ATP8A2: variants seen among roughly 807,000 people sequenced by gnomAD.
ATP8A2 encodes the protein ATPase phospholipid transporting 8A2, also known as phospholipid-transporting ATPase IB.
In ATP8A2, 100 loss-of-function variants were observed where a neutral mutation model predicts 165.6. That is an observed-to-expected ratio of 0.60 (90% CI 0.51 to 0.71). ATP8A2 has a LOEUF of 0.71. Among genes scored for constraint, ATP8A2 ranks in the 30% least tolerant of loss-of-function variants. The pLI is 0.00. For synonymous variants in ATP8A2, 543 were observed against 548.8 expected (o/e 0.99, Z 0.15); for missense variants, 1,227 against 1,479.5 (o/e 0.83, Z 2.80).
At chr13:25,858,728 T>A (rs1297325302) in intron 30 of ATP8A2, among the ~76,000 whole-genome samples, 1 of 152,074 alleles carries the variant, frequency 6.6e-6, no homozygotes, top group Non-Finnish European at 1.5e-5. Flanking sequence ...AACACAAGCA[T>A]CCTTATCTAC....
At chr13:25,578,563 C>T (rs2039683816) in intron 20 of ATP8A2, among the ~76,000 whole-genome samples, 1 of 152,192 alleles carries the variant, frequency 6.6e-6, no homozygotes. Context: ...CAATGATTCT[C>T]CTGTATTTCT....
Position 25,581,863 on chromosome 13 carries a change from A to G in ATP8A2, c.2052A>G (p.Gln684=). 1 of 1,614,126 alleles carries G rather than the reference A, an allele frequency of 6.2e-7. No homozygotes were observed. The highest frequency in any genetic ancestry group is 1.3e-5 in the African/African-American group (1 of 75,054). ...CCACAGCCATAGAAGATCGCCTTCA[A>G]GCAGGAGTTCCAGAAACCATCGCAA... ...LGATAIEDRL[Q]AGVPETIATL... is the part of the protein sequence containing the mutation. Residue 684 remains glutamine (Q), a synonymous_variant, in exon 23 of 37, where the codon CAA becomes CAG. Coordinates refer to ENST00000381655, the MANE Select transcript of ATP8A2 (RefSeq NM_016529.6).
intron 23 of ATP8A2, among the ~76,000 whole-genome samples, chr13:25,582,666 T>G (rs1050023981): frequency 1.3e-5 from 2 of 152,220 alleles, no homozygotes; most frequent in Non-Finnish European, 2.9e-5. Flanking sequence ...CTATATCTGT[T>G]TCTATGTCAG....
chr13:26,018,074 C>G (rs187634882), intron 36 of ATP8A2, among the ~76,000 whole-genome samples: 1 of 152,222 alleles, frequency 6.6e-6, no homozygotes, highest in Admixed American at 6.5e-5. Context: ...CCTCCTGTGG[C>G]CTCACTGGTC....
intron 27 of ATP8A2, among the ~76,000 whole-genome samples, chr13:25,776,756 G>A (rs2044752040): frequency 6.6e-6 from 1 of 152,168 alleles, no homozygotes; most frequent in Admixed American, 6.5e-5. Context: ...TAGAATCTCT[G>A]TTTCTTCGTG....
intron 33 of ATP8A2, among the ~76,000 whole-genome samples, chr13:25,912,025 C>CAA (rs1460099896): frequency 6.6e-6 from 1 of 152,058 alleles, no homozygotes; most frequent in African/African-American, 2.4e-5. Flanking sequence ...GGCATTTACC[C>CAA]AAAGATTTCA....
chr13:25,662,421 A>G (rs1047992642), intron 24 of ATP8A2, among the ~76,000 whole-genome samples: 4 of 152,206 alleles, frequency 2.6e-5, no homozygotes, highest in Non-Finnish European at 5.9e-5. Context: ...GACTGATTCT[A>G]TATGGGATTC....
intron 25 of ATP8A2, among the ~76,000 whole-genome samples, chr13:25,739,507 T>C (rs1303034728): frequency 6.6e-6 from 1 of 152,220 alleles, no homozygotes; most frequent in East Asian, 1.9e-4. Flanking sequence ...TTTCTCTTTT[T>C]ATTTTTTTAG....
chr13:25,775,068 T>C (rs2044711329), intron 27 of ATP8A2, 109 bp downstream of exon 27: 1 of 651,366 alleles, frequency 1.5e-6, no homozygotes, highest in Non-Finnish European at 2.6e-6. Flanking sequence ...AATTAAAAGA[T>C]GCTGCTGTGA....
chr13:25,991,914 T>TG lies in ATP8A2; in HGVS notation c.3378-20617_3378-20616insG, dbSNP rs562375556. On this transcript the variant is annotated intron_variant, in intron 35 of 36. Coordinates refer to ENST00000381655, the MANE Select transcript of ATP8A2 (RefSeq NM_016529.6). ...GCATATTTAGTTTTACTTTTAGGTT[T>TG]TTTTTTTTTTTTCAATAACAACCAT... Among the ~76,000 whole-genome samples the TG allele has an allele frequency of 2.6e-5, 4 of 151,680 alleles. No individual in the cohort carries two copies. The East Asian group carries it at 5.8e-4, about 22-fold the overall frequency.
chr13:25,980,670 T>C (rs905971270), intron 35 of ATP8A2, among the ~76,000 whole-genome samples: 3 of 152,146 alleles, frequency 2.0e-5, no homozygotes, highest in African/African-American at 7.2e-5. Context: ...ATTACCATAC[T>C]ACTTAAAAGC....
chr13:25,973,240 C>G (rs1011890609), intron 35 of ATP8A2, among the ~76,000 whole-genome samples: 2 of 152,178 alleles, frequency 1.3e-5, no homozygotes, highest in African/African-American at 4.8e-5. Flanking sequence ...AACCTTCTGG[C>G]GAGCCGTCGC....
At chr13:25,493,781 G>A (rs1593397676) in intron 2 of ATP8A2, among the ~76,000 whole-genome samples, 1 of 152,286 alleles carries the variant, frequency 6.6e-6, no homozygotes, top group South Asian at 2.1e-4. Context: ...AAAACCTCAG[G>A]GATGATCTCT....
chr13:25,920,249 C>T (rs946493120), intron 33 of ATP8A2, among the ~76,000 whole-genome samples: 2 of 152,174 alleles, frequency 1.3e-5, no homozygotes, highest in Non-Finnish European at 2.9e-5. Flanking sequence ...CTGGCTCATT[C>T]TTCCTGAATG....
chr13:25,817,586 T>C (rs904085581), intron 27 of ATP8A2, among the ~76,000 whole-genome samples: 1 of 152,254 alleles, frequency 6.6e-6, no homozygotes, highest in Non-Finnish European at 1.5e-5. Context: ...GTAAAAAATG[T>C]ATGTGTGTAC....
chr13:25,889,245 C>CTCATATATAT (rs1385731913), intron 33 of ATP8A2, among the ~76,000 whole-genome samples: 1 of 109,972 alleles, frequency 9.1e-6, no homozygotes, highest in Non-Finnish European at 1.7e-5. Context: ...CATCCTTTGT[C>CTCATATATAT]ATATATATAT....
chr13:25,842,825 A>ACTACCC (rs1951776665), intron 30 of ATP8A2, among the ~76,000 whole-genome samples: 1 of 152,196 alleles, frequency 6.6e-6, no homozygotes, highest in Non-Finnish European at 1.5e-5. Context: ...CTGTTTAGGC[A>ACTACCC]TTGAAGGGTC....
intron 33 of ATP8A2, among the ~76,000 whole-genome samples, chr13:25,903,652 G>C (rs1165873743): frequency 6.6e-6 from 1 of 152,102 alleles, no homozygotes; most frequent in Non-Finnish European, 1.5e-5. Flanking sequence ...CAACGTCCCT[G>C]GGTAGATTTT....
chr13:25,849,696 T>C lies in ATP8A2; in HGVS notation c.2956+10072T>C, dbSNP rs192841052. ...TAGTGACTATGTTTCCAGACCTAAT[T>C]TGGCTAATCCTATGTTAGTTATGTC... On this transcript the variant is annotated intron_variant, in intron 30 of 36. Coordinates refer to ENST00000381655, the MANE Select transcript of ATP8A2 (RefSeq NM_016529.6). 4.6e-4 allele frequency among the ~76,000 whole-genome samples: 70 copies of C among 152,356 alleles called. 1 individual carries two copies. The East Asian group carries it at 0.01, about 22-fold the overall frequency.
Sources: gnomAD v4.1 joint callset for allele counts (sites outside exome capture counted in the v4.1 genomes callset) on GRCh38, gnomAD v4.1.1 for gene constraint, MANE v1.5 for transcripts, NCBI Gene and HGNC (gene_info 2026-07-23, HGNC 2026-07-21) for gene names.